Variants in ADAM22 observed in about 807,000 individuals in gnomAD.
ADAM22 encodes ADAM metallopeptidase domain 22.
ADAM22 carries 65 observed loss-of-function variants against 144.6 expected under a neutral mutation model. The observed-to-expected ratio is 0.45, with a 90% CI of 0.37 to 0.55. ADAM22 has a LOEUF of 0.55. Ranked by LOEUF, ADAM22 falls within the 20% of genes least tolerant of loss-of-function variation. ADAM22 has a pLI of 0.00. For synonymous variants in ADAM22, 391 were observed against 412.6 expected (o/e 0.95, Z 0.63); for missense variants, 974 against 1,184.9 (o/e 0.82, Z 2.61).
intron 5 of ADAM22, among the ~76,000 whole-genome samples, chr7:88,110,158 GA>G (rs1274340128): frequency 1.3e-5 from 2 of 152,136 alleles, no homozygotes; most frequent in Non-Finnish European, 2.9e-5. Flanking sequence ...TACAAACATG[GA>G]ATCCATGCTT....
intron 29 of ADAM22, among the ~76,000 whole-genome samples, chr7:88,183,990 G>T (rs112441789): frequency 1.4e-4 from 22 of 152,070 alleles, no homozygotes; most frequent in African/African-American, 4.8e-4. Context: ...CCATTTGTGT[G>T]ACTACAAGAG....
chr7:88,096,525 T>C (rs551821651), intron 4 of ADAM22, among the ~76,000 whole-genome samples: 21 of 151,500 alleles, frequency 1.4e-4, no homozygotes, highest in Admixed American at 9.2e-4. Flanking sequence ...CCATAACTTA[T>C]ACTATGACTT....
chr7:87,966,848 G>T (rs1453755732), intron 2 of ADAM22, among the ~76,000 whole-genome samples: 2 of 145,454 alleles, frequency 1.4e-5, no homozygotes, highest in Non-Finnish European at 3.0e-5. Context: ...ACAAGGGCAA[G>T]AAATTGTTTA....
intron 25 of ADAM22, among the ~76,000 whole-genome samples, chr7:88,170,611 C>T (rs1313478105): frequency 6.6e-6 from 1 of 151,912 alleles, no homozygotes; most frequent in Non-Finnish European, 1.5e-5. Context: ...CAAATTGGCA[C>T]CTTTGCCGTC....
chr7:87,992,861 C>T (rs1303024484), intron 3 of ADAM22, among the ~76,000 whole-genome samples: 1 of 152,136 alleles, frequency 6.6e-6, no homozygotes, highest in African/African-American at 2.4e-5. Flanking sequence ...TCCTCTGACT[C>T]ATTGTAGGGA....
At position 88,156,025 on chromosome 7, in the gene ADAM22, T is replaced by C. The variant is rs766666909; in HGVS notation, c.1907+19T>C. 9 of 1,610,826 alleles carry C rather than the reference T, an allele frequency of 5.6e-6. No individual in the cohort carries two copies. The South Asian group carries it at 1.0e-4, about 18-fold the overall frequency. On this transcript the variant is annotated intron_variant, in intron 22 of 31. Coordinates refer to ENST00000413139, the MANE Select transcript of ADAM22 (RefSeq NM_001324418.2). Reference sequence around the variant, plus strand: ...ACTGCAGGTAATTATCTAACCATTCTGTAAGAATCTGAGTCATCTTATTTC... The same window carrying C: ...ACTGCAGGTAATTATCTAACCATTCCGTAAGAATCTGAGTCATCTTATTTC...
chr7:88,145,508 G>A lies in ADAM22; in HGVS notation c.1485+1G>A, dbSNP rs1473592158. On this transcript the variant is annotated splice_donor_variant, in intron 17 of 31. Transcript: ENST00000413139. LOFTEE classifies it high-confidence loss of function. ...CGGTCTTTGCTGTAAAAAGTGCAAG[G>A]TAAATAAACATTAATGACCATTTGA... The A allele has an allele frequency of 6.2e-7, 1 of 1,611,332 alleles. No individual in the cohort carries two copies. Among genetic ancestry groups the A allele is most frequent in the Non-Finnish European group, 8.5e-7 (1 of 1,178,064 alleles).
chr7:87,978,245 TGTAA>T (rs1440710263), intron 2 of ADAM22, 87 bp from the exon 3 acceptor site: 16 of 977,576 alleles, frequency 1.6e-5, no homozygotes, highest in Admixed American at 7.3e-5. Context: ...CTTATGATAT[TGTAA>T]GTGTTTTGAA....
At chr7:88,140,267 T>A (rs767286799) in intron 14 of ADAM22, among the ~76,000 whole-genome samples, 2 of 152,082 alleles carry the variant, frequency 1.3e-5, no homozygotes, top group African/African-American at 2.4e-5. Context: ...ATCCAAACTT[T>A]ATCATCGTGT....
intron 5 of ADAM22, among the ~76,000 whole-genome samples, chr7:88,113,119 C>CTTTTTTT (rs34323035): frequency 1.3e-5 from 1 of 79,000 alleles, no homozygotes; most frequent in Non-Finnish European, 2.3e-5. Flanking sequence ...TGCCTGCCCT[C>CTTTTTTT]TTTTTTTTTT....
intron 4 of ADAM22, among the ~76,000 whole-genome samples, chr7:88,105,672 A>G (rs1442282090): frequency 6.6e-6 from 1 of 152,232 alleles, no homozygotes; most frequent in Non-Finnish European, 1.5e-5. Context: ...TCGAGGTTCA[A>G]CATTGGGGAT....
intron 7 of ADAM22, among the ~76,000 whole-genome samples, chr7:88,117,886 G>A (rs573796704): frequency 3.3e-5 from 5 of 152,052 alleles, no homozygotes; most frequent in African/African-American, 1.2e-4. Context: ...TAGAGACAGG[G>A]GTTTCGCCAT....
intron 2 of ADAM22, among the ~76,000 whole-genome samples, chr7:87,948,230 A>G (rs1844190942): frequency 6.6e-6 from 1 of 152,180 alleles, no homozygotes; most frequent in Admixed American, 6.5e-5. Context: ...AGTAAAAACA[A>G]GTCTCTGAAA....
intron 3 of ADAM22, among the ~76,000 whole-genome samples, chr7:88,013,579 C>A (rs563747250): frequency 1.3e-5 from 2 of 152,232 alleles, no homozygotes; most frequent in South Asian, 4.2e-4. Flanking sequence ...TACACAGCAC[C>A]ATGCCTGGCT....
At position 88,199,919 on chromosome 7, in the gene ADAM22, G is replaced by A. The variant is rs1205815171; in HGVS notation, c.*3428G>A. The A allele has an allele frequency of 6.6e-6, 1 of 151,886 alleles. No individual in the cohort carries two copies. Among genetic ancestry groups the A allele is most frequent in the Non-Finnish European group, 1.5e-5 (1 of 68,028 alleles). The allele number at this position is 151,886 out of a possible 1,614,324, so 9.4% of individuals were successfully genotyped here. On this transcript the variant is annotated 3_prime_UTR_variant, in exon 32 of 32. Transcript: ENST00000413139. ...TAACATTAATAGGATTTCTAAAGAA[G>A]TTGTCAGAAAGACAAAATTGGATAT...
chr7:87,945,615 C>T (rs1843509061), intron 2 of ADAM22, among the ~76,000 whole-genome samples: 1 of 151,192 alleles, frequency 6.6e-6, no homozygotes, highest in African/African-American at 2.4e-5. Flanking sequence ...CGAGTTCAAG[C>T]GATTCTCCTG....
chr7:88,077,165 T>G (rs1814787564), intron 4 of ADAM22, among the ~76,000 whole-genome samples: 1 of 152,242 alleles, frequency 6.6e-6, no homozygotes, highest in South Asian at 2.1e-4. Flanking sequence ...TTCAGTTTTT[T>G]ATGTACATTT....
At chr7:88,014,150 C>T (rs751772143) in intron 3 of ADAM22, among the ~76,000 whole-genome samples, 2 of 151,978 alleles carry the variant, frequency 1.3e-5, no homozygotes, top group African/African-American at 2.4e-5. Flanking sequence ...GGCATATGTA[C>T]CCATGATGGA....
chr7:88,138,859 G>T (rs10268574), intron 14 of ADAM22, among the ~76,000 whole-genome samples: 47,433 of 152,040 alleles, frequency 0.31, 9,326 homozygotes, highest in East Asian at 0.54. Context: ...ATCCACAAAT[G>T]TTCAACTGTT....
Sources: allele counts gnomAD v4.1 joint callset (sites outside exome capture counted in the v4.1 genomes callset), GRCh38; gene constraint gnomAD v4.1.1; transcripts MANE v1.5; gene names NCBI Gene and HGNC (gene_info 2026-07-23, HGNC 2026-07-21).